CTNNA2: variants seen among roughly 807,000 people sequenced by gnomAD.
CTNNA2 encodes the protein catenin alpha 2.
In CTNNA2, 42 loss-of-function variants were observed where a neutral mutation model predicts 101.0. That is an observed-to-expected ratio of 0.42 (90% confidence interval 0.32 to 0.54). The LOEUF is 0.54. Among genes scored for constraint, CTNNA2 ranks in the 20% least tolerant of loss-of-function variants. CTNNA2 has a pLI of 0.14. For synonymous variants in CTNNA2, 450 were observed against 456.4 expected (o/e 0.99, Z 0.18); for missense variants, 871 against 1,223.1 (o/e 0.71, Z 4.29).
intron 4 of CTNNA2, among the ~76,000 whole-genome samples, chr2:79,412,939 A>G (rs1344238658): frequency 1.3e-5 from 2 of 152,074 alleles, no homozygotes; most frequent in Admixed American, 6.6e-5. Flanking sequence ...TCTTTTAGTA[A>G]ATTTTATTTA....
At chr2:79,755,011 A>T (rs1204465283) in intron 3 of CTNNA2, among the ~76,000 whole-genome samples, 3 of 152,038 alleles carry the variant, frequency 2.0e-5, no homozygotes, top group Non-Finnish European at 4.4e-5. Context: ...TGCTGAGTGT[A>T]GATCCATTAC....
chr2:79,214,716 G>T (rs571599998), intron 2 of CTNNA2, among the ~76,000 whole-genome samples: 1 of 152,086 alleles, frequency 6.6e-6, no homozygotes, highest in Non-Finnish European at 1.5e-5. Flanking sequence ...TGGGGAAAAG[G>T]GCGGCAGTGA....
At chr2:80,230,027 A>G (rs141617027) in intron 7 of CTNNA2, among the ~76,000 whole-genome samples, 2,006 of 152,180 alleles carry the variant, frequency 0.013, 20 homozygotes, top group Non-Finnish European at 0.021. Flanking sequence ...AACTGCCTAC[A>G]ATTTTCAGTT....
At chr2:80,485,669 A>T (rs1305142229) in intron 9 of CTNNA2, among the ~76,000 whole-genome samples, 1 of 152,228 alleles carries the variant, frequency 6.6e-6, no homozygotes, top group Non-Finnish European at 1.5e-5. Context: ...TAAAAAATTG[A>T]AACATTTTGA....
intron 7 of CTNNA2, among the ~76,000 whole-genome samples, chr2:80,388,312 C>G (rs1677202657): frequency 1.3e-5 from 2 of 152,292 alleles, no homozygotes; most frequent in South Asian, 4.1e-4. Context: ...CAAAGAAAGA[C>G]AGCTAACGTT....
chr2:79,878,483 A>G (rs890862672), intron 6 of CTNNA2, among the ~76,000 whole-genome samples: 2 of 152,002 alleles, frequency 1.3e-5, no homozygotes, highest in Non-Finnish European at 2.9e-5. Context: ...CACCAATTGC[A>G]TCTATAGCAT....
chr2:79,985,693 C>T (rs971234637), intron 7 of CTNNA2, among the ~76,000 whole-genome samples: 1 of 152,140 alleles, frequency 6.6e-6, no homozygotes, highest in Non-Finnish European at 1.5e-5. Context: ...TGGAAACAGA[C>T]AGCACTAGAA....
intron 9 of CTNNA2, among the ~76,000 whole-genome samples, chr2:80,484,339 G>T (rs755910720): frequency 6.6e-6 from 1 of 152,146 alleles, no homozygotes; most frequent in Non-Finnish European, 1.5e-5. Flanking sequence ...GCATGTACCC[G>T]ATACATAGTG....
intron 1 of CTNNA2, among the ~76,000 whole-genome samples, chr2:79,589,817 A>G (rs1290489209): frequency 6.6e-6 from 1 of 151,898 alleles, no homozygotes; most frequent in African/African-American, 2.4e-5. Flanking sequence ...GAAGTTTACT[A>G]TCGCACCAAG....
intron 4 of CTNNA2, among the ~76,000 whole-genome samples, chr2:79,406,136 C>A (rs1220965749): frequency 6.6e-6 from 1 of 152,006 alleles, no homozygotes; most frequent in Non-Finnish European, 1.5e-5. Context: ...AAAGGCATTA[C>A]AAGAAAGGTC....
chr2:79,826,872 C>A (rs983094216), intron 3 of CTNNA2, among the ~76,000 whole-genome samples: 1 of 152,090 alleles, frequency 6.6e-6, no homozygotes, highest in Non-Finnish European at 1.5e-5. Flanking sequence ...AGAAGATAAT[C>A]GGATCACATC....
intron 7 of CTNNA2, among the ~76,000 whole-genome samples, chr2:79,937,970 T>A (rs1483534372): frequency 6.6e-6 from 1 of 152,228 alleles, no homozygotes; most frequent in Non-Finnish European, 1.5e-5. Context: ...TTAATCATGA[T>A]GTGTTGAGGC....
chr2:79,301,886 T>C (rs1213092966), intron 2 of CTNNA2, among the ~76,000 whole-genome samples: 3 of 151,658 alleles, frequency 2.0e-5, no homozygotes, highest in African/African-American at 7.3e-5. Context: ...AGTTTAGGAG[T>C]TCGAAACCAG....
chr2:80,299,497 C>T (rs546926254), intron 7 of CTNNA2: 1 of 152,228 alleles, frequency 6.6e-6, no homozygotes, highest in Admixed American at 6.5e-5. Context: ...GACACACACA[C>T]AAAGTAAGAA....
In CTNNA2 at chr2:80,012,882, C is replaced by T. The variant is rs971494079; in HGVS notation, c.1056+103085C>T. Among the ~76,000 whole-genome samples the T allele has an allele frequency of 2.6e-5, 4 of 152,228 alleles. No homozygotes were observed. In the South Asian group the frequency reaches 6.2e-4, roughly 24 times the overall value. On this transcript the variant is annotated intron_variant, in intron 7 of 18. Coordinates refer to ENST00000402739, the MANE Select transcript of CTNNA2 (RefSeq NM_001282597.3). ...GCTCTTCTAAAATTTAAAACATTCT[C>T]GACGAGGCACAGTGGCTCACGCCTG...
intron 7 of CTNNA2, among the ~76,000 whole-genome samples, chr2:80,208,134 T>C: frequency 6.6e-6 from 1 of 152,170 alleles, no homozygotes; most frequent in East Asian, 1.9e-4. Flanking sequence ...GTTTCTAAAT[T>C]GGCTTTATTT....
At chr2:79,793,888 G>GCACA (rs71385299) in intron 3 of CTNNA2, among the ~76,000 whole-genome samples, 38,747 of 142,476 alleles carry the variant, frequency 0.27, 5,002 homozygotes, top group Middle Eastern at 0.3. Context: ...ACACACTCAT[G>GCACA]CACACACACA....
rs868493533 is a variant in CTNNA2 at position 80,644,044 on chromosome 2, A to G, written c.2575-3541A>G. On this transcript the variant is annotated intron_variant, in intron 18 of 18. Transcript: ENST00000402739. ...GAAAAGAGTTCATTTTGGATAGGCA[A>G]TAACTAAAAAACAAGACCTGAGAGA... Among the ~76,000 whole-genome samples the G allele has an allele frequency of 5.9e-5, 9 of 152,270 alleles. No homozygotes were observed. In the South Asian group the frequency reaches 6.2e-4, roughly 11 times the overall value.
At chr2:79,687,692 T>C in intron 2 of CTNNA2, 1 of 538,560 alleles carries the variant, frequency 1.9e-6, no homozygotes, top group Non-Finnish European at 3.4e-6. Context: ...AAAAACTGGA[T>C]GAAATATAAA....
Sources: gnomAD v4.1 joint callset for allele counts (sites outside exome capture counted in the v4.1 genomes callset) on GRCh38, gnomAD v4.1.1 for gene constraint, MANE v1.5 for transcripts, NCBI Gene and HGNC (gene_info 2026-07-23, HGNC 2026-07-21) for gene names.